Variants in AKR1C3 observed in about 807,000 individuals in gnomAD.
AKR1C3 encodes the protein aldo-keto reductase family 1 member C3.
Under a neutral mutation model 43.6 loss-of-function variants are expected in AKR1C3, and 48 were observed. The ratio of observed to expected loss-of-function variants is 1.10; its 90% CI spans 0.87 to 1.40. The LOEUF (loss-of-function observed/expected upper bound fraction) is 1.40, where lower values mean the gene tolerates loss of function less well. AKR1C3 is among the 40% of genes most tolerant of loss of function. The pLI is 0.00. For missense variants in AKR1C3, 482 were observed against 391.2 expected (o/e 1.23, Z -1.96); for synonymous variants, 162 against 139.6 (o/e 1.16, Z -1.13).
At chr10:5,100,138 C>CA (rs1388283941) in intron 5 of AKR1C3, among the ~76,000 whole-genome samples, 1 of 152,112 alleles carries the variant, frequency 6.6e-6, no homozygotes, top group Non-Finnish European at 1.5e-5. Flanking sequence ...ACTAAAAATA[C>CA]AAAAAATTAG....
intron 1 of AKR1C3, chr10:5,049,027 G>C: frequency 1.5e-6 from 1 of 689,644 alleles, no homozygotes; most frequent in East Asian, 2.5e-5. Context: ...CTAGGTTAAA[G>C]CTATACTGTA....
chr10:5,092,981 C>A (rs1839127893), upstream of AKR1C3, among the ~76,000 whole-genome samples: 2 of 152,080 alleles, frequency 1.3e-5, no homozygotes, highest in African/African-American at 4.8e-5. Flanking sequence ...TTAGTCTTAG[C>A]ATAAGCCCAA....
intron 1 of AKR1C3, among the ~76,000 whole-genome samples, chr10:5,074,599 G>T (rs1375084384): frequency 2.0e-5 from 3 of 152,174 alleles, no homozygotes; most frequent in Non-Finnish European, 4.4e-5. Flanking sequence ...CATTGACATA[G>T]TGTGCAAGAA....
chr10:5,072,269 G>A (rs565186551), intron 1 of AKR1C3, among the ~76,000 whole-genome samples: 2 of 152,288 alleles, frequency 1.3e-5, no homozygotes, highest in South Asian at 4.1e-4. Flanking sequence ...ATCCACCTCA[G>A]GGAGGAGAGT....
intron 1 of AKR1C3, among the ~76,000 whole-genome samples, chr10:5,069,975 T>C (rs1391486208): frequency 6.6e-6 from 1 of 152,162 alleles, no homozygotes. Flanking sequence ...CTCCAGCCAA[T>C]TGCCTTCAAT....
At chr10:5,068,825 A>T (rs1554781062) in intron 1 of AKR1C3, among the ~76,000 whole-genome samples, 2 of 152,228 alleles carry the variant, frequency 1.3e-5, no homozygotes, top group Admixed American at 1.3e-4. Flanking sequence ...GGCCATCCCG[A>T]GTGGGCTGTC....
At chr10:5,069,876 A>G (rs1442973808) in intron 1 of AKR1C3, among the ~76,000 whole-genome samples, 2 of 149,462 alleles carry the variant, frequency 1.3e-5, no homozygotes, top group Non-Finnish European at 1.5e-5. Context: ...CTCTGTCTCA[A>G]AAAAAAAAAG....
intron 1 of AKR1C3, among the ~76,000 whole-genome samples, chr10:5,084,394 C>G (rs11499183): frequency 0.25 from 38,060 of 150,514 alleles, 5,010 homozygotes; most frequent in Middle Eastern, 0.37. Context: ...TGTAGATATG[C>G]GGCATTATTT....
chr10:5,064,640 T>G (rs1408390196), intron 1 of AKR1C3, among the ~76,000 whole-genome samples: 2 of 152,170 alleles, frequency 1.3e-5, no homozygotes, highest in African/African-American at 4.8e-5. Flanking sequence ...ATCTGATGAA[T>G]GTCCAATATC....
upstream of AKR1C3, among the ~76,000 whole-genome samples, chr10:5,089,575 T>A (rs1383139989): frequency 6.6e-6 from 1 of 152,104 alleles, no homozygotes; most frequent in Non-Finnish European, 1.5e-5. Context: ...CTTCAGTGAA[T>A]TTTTTTGTTT....
At chr10:5,084,459 A>G (rs1480965589) in intron 1 of AKR1C3, among the ~76,000 whole-genome samples, 1 of 151,068 alleles carries the variant, frequency 6.6e-6, no homozygotes, top group Non-Finnish European at 1.5e-5. Context: ...TACCAGTACC[A>G]TACTGTTTTG....
chr10:5,107,339 C>A, intron 8 of AKR1C3, 122 bp from the exon 9 acceptor site: 1 of 690,758 alleles, frequency 1.4e-6, no homozygotes, highest in Non-Finnish European at 2.5e-6. Flanking sequence ...GTAAGAAAGG[C>A]AGATTCTACA....
At chr10:5,052,031 G>A (rs903203051) in intron 1 of AKR1C3, among the ~76,000 whole-genome samples, 7 of 152,160 alleles carry the variant, frequency 4.6e-5, no homozygotes, top group African/African-American at 1.4e-4. Context: ...GAATGAAGCC[G>A]TGGACCCTCG....
upstream of AKR1C3, among the ~76,000 whole-genome samples, chr10:5,089,781 T>G (rs7478099): frequency 0.27 from 41,049 of 152,068 alleles, 6,556 homozygotes; most frequent in Non-Finnish European, 0.36. Context: ...TAGTGTAATT[T>G]TTTGACAGTA....
chr10:5,098,255 C>T (rs1564369514), intron 3 of AKR1C3: 1 of 926,162 alleles, frequency 1.1e-6, no homozygotes, highest in Non-Finnish European at 1.3e-6. Flanking sequence ...TAAACTCCAA[C>T]ACTTTTTTTT....
At chr10:5,078,035 C>T (rs11252921) in intron 1 of AKR1C3, 191,823 of 655,290 alleles carry the variant, frequency 0.29, 29,238 homozygotes, top group Middle Eastern at 0.44. Context: ...AATATGATTA[C>T]TATATTTTGT....
At chr10:5,079,573 A>G (rs1554782152) in intron 1 of AKR1C3, among the ~76,000 whole-genome samples, 1 of 151,968 alleles carries the variant, frequency 6.6e-6, no homozygotes, top group African/African-American at 2.4e-5. Flanking sequence ...AATGCTTTAA[A>G]GGTCTGACTG....
chr10:5,083,473 A>G (rs181478854), intron 1 of AKR1C3, among the ~76,000 whole-genome samples: 4,285 of 152,210 alleles, frequency 0.028, 180 homozygotes, highest in African/African-American at 0.095. Flanking sequence ...AATCCAGTCT[A>G]TCGTTGTTGG....
chr10:5,055,986 T>C (rs543452298), intron 1 of AKR1C3, among the ~76,000 whole-genome samples: 5 of 152,316 alleles, frequency 3.3e-5, no homozygotes, highest in African/African-American at 1.2e-4. Flanking sequence ...TGGCTAAGAT[T>C]AGGCCTAGAT....
Sources: allele counts gnomAD v4.1 joint callset (sites outside exome capture counted in the v4.1 genomes callset), GRCh38; gene constraint gnomAD v4.1.1; transcripts MANE v1.5; gene names NCBI Gene and HGNC (gene_info 2026-07-23, HGNC 2026-07-21).